Variants in PARD3B observed in about 807,000 individuals in gnomAD.
PARD3B encodes the protein partitioning defective 3 homolog B.
Under a neutral mutation model 130.2 loss-of-function variants are expected in PARD3B, and 103 were observed. The observed-to-expected ratio is 0.79, with a 90% CI of 0.67 to 0.93. The LOEUF (loss-of-function observed/expected upper bound fraction) is 0.93. Among genes scored for constraint, PARD3B ranks in the 40% least tolerant of loss-of-function variants. PARD3B has a pLI of 0.00. For missense variants in PARD3B, 1,609 were observed against 1,499.2 expected, an observed-to-expected ratio of 1.07 and a Z score of -1.21; for synonymous variants, 583 against 553.2, an observed-to-expected ratio of 1.05 and a Z score of -0.76.
intron 15 of PARD3B, among the ~76,000 whole-genome samples, chr2:205,232,263 G>A (rs934885276): frequency 6.6e-6 from 1 of 152,070 alleles, no homozygotes. Context: ...CAGCCTGGGC[G>A]ATATAGTGAA....
chr2:205,412,031 G>C (rs925678029), intron 19 of PARD3B, among the ~76,000 whole-genome samples: 1 of 152,106 alleles, frequency 6.6e-6, no homozygotes, highest in Non-Finnish European at 1.5e-5. Flanking sequence ...TTACATTAAG[G>C]GGGTGGCAAC....
intron 1 of PARD3B, among the ~76,000 whole-genome samples, chr2:204,605,688 A>C (rs1210392639): frequency 6.6e-6 from 1 of 152,258 alleles, no homozygotes; most frequent in African/African-American, 2.4e-5. Flanking sequence ...AGTGCACTCT[A>C]TCTGCACCTT....
intron 21 of PARD3B, among the ~76,000 whole-genome samples, chr2:205,523,231 A>G (rs1474739179): frequency 2.1e-5 from 3 of 142,430 alleles, no homozygotes; most frequent in African/African-American, 8.0e-5. Flanking sequence ...GTGTGTATAT[A>G]TATATATATA....
chr2:204,797,556 A>C (rs992352391), intron 2 of PARD3B, among the ~76,000 whole-genome samples: 1 of 152,238 alleles, frequency 6.6e-6, no homozygotes. Flanking sequence ...AGACCTGTAC[A>C]TAACACTGAC....
At chr2:204,977,878 G>A (rs1692328390) in intron 3 of PARD3B, among the ~76,000 whole-genome samples, 1 of 151,882 alleles carries the variant, frequency 6.6e-6, no homozygotes, top group African/African-American at 2.4e-5. Flanking sequence ...GGGGAAAGAG[G>A]AGAAAATTCT....
intron 19 of PARD3B, among the ~76,000 whole-genome samples, chr2:205,401,400 TC>T (rs1249050205): frequency 3.3e-5 from 5 of 152,194 alleles, no homozygotes; most frequent in Non-Finnish European, 2.9e-5. Context: ...TTTCTCCATG[TC>T]TTTTTTTTTC....
At chr2:204,815,257 A>T (rs905692973) in intron 2 of PARD3B, among the ~76,000 whole-genome samples, 3 of 151,960 alleles carry the variant, frequency 2.0e-5, no homozygotes, top group African/African-American at 7.2e-5. Flanking sequence ...GAGCATTGGT[A>T]GTTTTTATCT....
At chr2:205,445,359 G>A (rs954320966) in intron 20 of PARD3B, among the ~76,000 whole-genome samples, 10 of 152,194 alleles carry the variant, frequency 6.6e-5, no homozygotes, top group African/African-American at 1.9e-4. Context: ...AAAGAAAAGA[G>A]GTTTAATTGG....
chr2:205,121,886 T>C lies in PARD3B; in HGVS notation c.1102T>C (p.Ser368Pro). ...LGGKPSSPSL[S>P]PLMGFGSNKN... ...AGGAAAACCATCCTCTCCCTCACTC[T>C]CGCCTCTCATGGGATTTGGCAGCAA... Residue 368 changes from serine (S) to proline (P), a missense_variant, in exon 8 of 23, where the codon TCG becomes CCG. Coordinates refer to ENST00000406610, the MANE Select transcript of PARD3B (RefSeq NM_001302769.2). This position sits in a 1 kb window ranked among gnomAD's most constrained non-coding sequence, Gnocchi z 5.0. The C allele has an allele frequency of 6.2e-7, 1 of 1,613,966 alleles. No individual in the cohort carries two copies. The highest frequency in any genetic ancestry group is 8.5e-7 in the Non-Finnish European group (1 of 1,179,984).
At chr2:204,681,217 C>T (rs2036816458) in intron 1 of PARD3B, among the ~76,000 whole-genome samples, 1 of 152,090 alleles carries the variant, frequency 6.6e-6, no homozygotes, top group Non-Finnish European at 1.5e-5. Context: ...TCTCCTTTAT[C>T]TGATATTAGG....
In PARD3B at chr2:204,595,949, T is replaced by C. The variant is rs1227211186; in HGVS notation, c.120+49830T>C. On this transcript the variant is annotated intron_variant, in intron 1 of 22. Transcript: ENST00000406610. ...AAACTTCTTTTTTTGAGCAACTGAT[T>C]ATTTGCAGGTGCTATGCTAGATGCT... Among the ~76,000 whole-genome samples the C allele has an allele frequency of 2.0e-5, 3 of 152,236 alleles. No homozygotes were observed. In the East Asian group the frequency reaches 5.8e-4, roughly 29 times the overall value.
At chr2:204,954,023 C>T (rs17535946) in intron 2 of PARD3B, among the ~76,000 whole-genome samples, 14,149 of 152,118 alleles carry the variant, frequency 0.093, 752 homozygotes, top group Non-Finnish European at 0.12. Flanking sequence ...TTCTTGTCTT[C>T]GGGCCCCAGT....
At chr2:205,428,103 G>C (rs1325187998) in intron 19 of PARD3B, among the ~76,000 whole-genome samples, 2 of 151,966 alleles carry the variant, frequency 1.3e-5, no homozygotes, top group African/African-American at 2.4e-5. Context: ...GGCCCCAGAG[G>C]CTGGGAGTGT....
At chr2:205,227,359 C>G (rs903712343) in intron 15 of PARD3B, among the ~76,000 whole-genome samples, 1 of 152,012 alleles carries the variant, frequency 6.6e-6, no homozygotes, top group African/African-American at 2.4e-5. Flanking sequence ...TCTGGGTGTT[C>G]CAGTGTTGGA....
intron 1 of PARD3B, among the ~76,000 whole-genome samples, chr2:204,638,616 T>C (rs1442544936): frequency 6.6e-6 from 1 of 152,176 alleles, no homozygotes; most frequent in Non-Finnish European, 1.5e-5. Context: ...AAGAGACATC[T>C]TGAATGTAAC....
At chr2:205,014,737 T>C (rs1324130087) in intron 3 of PARD3B, among the ~76,000 whole-genome samples, 1 of 151,928 alleles carries the variant, frequency 6.6e-6, no homozygotes, top group South Asian at 2.1e-4. Context: ...CTAGGAGAGG[T>C]AGAATTGAAC....
At chr2:205,326,549 A>G (rs1022621667) in intron 18 of PARD3B, among the ~76,000 whole-genome samples, 1 of 152,182 alleles carries the variant, frequency 6.6e-6, no homozygotes, top group African/African-American at 2.4e-5. Flanking sequence ...AACAGTTATC[A>G]TCTCTATGAC....
intron 21 of PARD3B, among the ~76,000 whole-genome samples, chr2:205,509,547 T>TA (rs1176238156): frequency 4.6e-5 from 7 of 152,184 alleles, no homozygotes; most frequent in Non-Finnish European, 7.3e-5. Context: ...TCAACAGAGT[T>TA]ACCATTCTCA....
intron 3 of PARD3B, among the ~76,000 whole-genome samples, chr2:204,966,662 C>G (rs1691278451): frequency 6.6e-6 from 1 of 152,086 alleles, no homozygotes; most frequent in African/African-American, 2.4e-5. Context: ...CTCTTATGAG[C>G]TTTGTCAGGG....
Sources: gnomAD v4.1 joint callset for allele counts (sites outside exome capture counted in the v4.1 genomes callset) on GRCh38, gnomAD v4.1.1 for gene constraint, Gnocchi (gnomAD v3.1) non-coding constraint, MANE v1.5 for transcripts, NCBI Gene and HGNC (gene_info 2026-07-23, HGNC 2026-07-21) for gene names.